The following CNTNAP4 variants were observed in gnomAD, a reference collection of about 807,000 sequenced individuals.
CNTNAP4 encodes the protein contactin associated protein family member 4.
CNTNAP4 carries 98 observed loss-of-function variants against 148.4 expected under a neutral mutation model. The observed-to-expected ratio is 0.66, with a 90% CI of 0.56 to 0.78. The LOEUF is 0.78. CNTNAP4 is among the 30% of genes least tolerant of loss of function. The pLI, the probability that CNTNAP4 is intolerant of heterozygous loss-of-function variation, is 0.00. For missense variants in CNTNAP4, 1,935 were observed against 1,565.6 expected (o/e 1.24, Z -3.98); for synonymous variants, 730 against 565.1 (o/e 1.29, Z -4.14).
intron 4 of CNTNAP4, among the ~76,000 whole-genome samples, chr16:76,447,799 G>A (rs1348708407): frequency 6.6e-6 from 1 of 152,186 alleles, no homozygotes; most frequent in African/African-American, 2.4e-5. Context: ...ATGAGGTTTG[G>A]TGGGTTACAT....
chr16:76,525,416 C>G (rs2083674869), intron 17 of CNTNAP4, among the ~76,000 whole-genome samples: 2 of 148,790 alleles, frequency 1.3e-5, no homozygotes, highest in African/African-American at 4.9e-5. Context: ...ATCTGTCTAT[C>G]CATCTATCTA....
chr16:76,406,769 TGA>T (rs2078612044), intron 3 of CNTNAP4, among the ~76,000 whole-genome samples: 1 of 152,116 alleles, frequency 6.6e-6, no homozygotes, highest in African/African-American at 2.4e-5. Context: ...CTATGAAGGC[TGA>T]GAGAGGTGAG....
intron 15 of CNTNAP4, among the ~76,000 whole-genome samples, chr16:76,499,786 AT>A (rs1338399460): frequency 6.6e-6 from 1 of 151,504 alleles, no homozygotes; most frequent in Non-Finnish European, 1.5e-5. Flanking sequence ...GCCTTCAAGC[AT>A]CTGTTTAACA....
chr16:76,421,418 A>C (rs2079185366), intron 3 of CNTNAP4, among the ~76,000 whole-genome samples: 1 of 152,102 alleles, frequency 6.6e-6, no homozygotes. Context: ...TGAATTTTAC[A>C]TTCATAATCA....
intron 14 of CNTNAP4, among the ~76,000 whole-genome samples, chr16:76,496,741 T>A (rs1266901183): frequency 6.6e-6 from 1 of 152,166 alleles, no homozygotes; most frequent in South Asian, 2.1e-4. Flanking sequence ...CTGGAATCTT[T>A]ACAATGTATC....
intron 4 of CNTNAP4, among the ~76,000 whole-genome samples, chr16:76,439,744 G>T (rs1469432558): frequency 1.3e-5 from 2 of 152,064 alleles, no homozygotes; most frequent in African/African-American, 2.4e-5. Flanking sequence ...GTTATATATA[G>T]CACTTGATCT....
rs556897545 is a variant in CNTNAP4, at chr16:76,361,709, G to C, written c.390+6198G>C. Reference sequence around the variant, plus strand: ...GATTGCTGAATCACATGGAATTTCAGTTTTTAATTTTTGAGGAAATTCCAT... The same window carrying C: ...GATTGCTGAATCACATGGAATTTCACTTTTTAATTTTTGAGGAAATTCCAT... On this transcript the variant is annotated intron_variant, in intron 3 of 23. Coordinates refer to ENST00000611870, the MANE Select transcript of CNTNAP4 (RefSeq NM_033401.5). 2.0e-5 allele frequency among the ~76,000 whole-genome samples: 3 copies of C among 152,252 alleles called. No individual in the cohort carries two copies. In the South Asian group the frequency reaches 6.2e-4, roughly 32 times the overall value.
intron 3 of CNTNAP4, among the ~76,000 whole-genome samples, chr16:76,411,341 A>G (rs965906588): frequency 2.0e-5 from 3 of 151,500 alleles, no homozygotes; most frequent in Non-Finnish European, 3.0e-5. Flanking sequence ...AGGCTAATCA[A>G]TATATTAGAA....
chr16:76,403,548 AGAT>A (rs2078494789), intron 3 of CNTNAP4, among the ~76,000 whole-genome samples: 3 of 152,206 alleles, frequency 2.0e-5, no homozygotes, highest in Admixed American at 6.5e-5. Flanking sequence ...AAAAAGTAAC[AGAT>A]GATGATGAGG....
chr16:76,515,068 G>A (rs1021496721), intron 15 of CNTNAP4, among the ~76,000 whole-genome samples: 4 of 152,022 alleles, frequency 2.6e-5, no homozygotes, highest in African/African-American at 9.7e-5. Flanking sequence ...AGCACAATCC[G>A]TAAAAGGCTA....
intron 1 of CNTNAP4, among the ~76,000 whole-genome samples, chr16:76,279,591 T>C (rs1457480552): frequency 6.6e-6 from 1 of 152,196 alleles, no homozygotes; most frequent in Non-Finnish European, 1.5e-5. Flanking sequence ...AAGGAAGTAG[T>C]CTAATGCTCT....
intron 1 of CNTNAP4, among the ~76,000 whole-genome samples, chr16:76,286,580 T>A (rs1958895924): frequency 6.6e-6 from 1 of 152,138 alleles, no homozygotes; most frequent in Admixed American, 6.6e-5. Context: ...AACCTAGCAA[T>A]GAAGCAGAAT....
At chr16:76,552,003 G>T (rs1187435060) in intron 21 of CNTNAP4, among the ~76,000 whole-genome samples, 3 of 152,170 alleles carry the variant, frequency 2.0e-5, no homozygotes, top group Non-Finnish European at 2.9e-5. Context: ...AAGGAAAGAG[G>T]TGTAATCAAC....
chr16:76,388,920 A>G (rs928291922), intron 3 of CNTNAP4, among the ~76,000 whole-genome samples: 3 of 152,208 alleles, frequency 2.0e-5, no homozygotes, highest in African/African-American at 7.2e-5. Flanking sequence ...AATATTTAAC[A>G]AGGAGTTCTA....
chr16:76,296,000 A>T (rs1375985914), intron 1 of CNTNAP4, among the ~76,000 whole-genome samples: 1 of 152,060 alleles, frequency 6.6e-6, no homozygotes, highest in African/African-American at 2.4e-5. Flanking sequence ...TGAATAAGAA[A>T]TTTTAAGTGT....
intron 4 of CNTNAP4, among the ~76,000 whole-genome samples, chr16:76,438,995 T>A (rs1340197310): frequency 6.6e-6 from 1 of 152,174 alleles, no homozygotes; most frequent in Non-Finnish European, 1.5e-5. Context: ...TATTTTTAAA[T>A]AGACCAATTG....
chr16:76,470,411 C>T (rs537757790), intron 10 of CNTNAP4, among the ~76,000 whole-genome samples: 3 of 149,586 alleles, frequency 2.0e-5, no homozygotes, highest in Admixed American at 1.3e-4. Flanking sequence ...GAGGCCAAGA[C>T]GGGTGGATCA....
intron 3 of CNTNAP4, among the ~76,000 whole-genome samples, chr16:76,384,053 TA>T (rs1215079196): frequency 2.6e-4 from 39 of 152,280 alleles, no homozygotes; most frequent in African/African-American, 8.4e-4. Flanking sequence ...TTTATTTATT[TA>T]TTTTTTTGAG....
chr16:76,324,714 C>A (rs1427570416), intron 2 of CNTNAP4, among the ~76,000 whole-genome samples: 3 of 152,106 alleles, frequency 2.0e-5, no homozygotes, highest in Admixed American at 6.6e-5. Flanking sequence ...CTTGTTAGGG[C>A]CCTTTTGCTG....
Sources: gnomAD v4.1 joint callset for allele counts (sites outside exome capture counted in the v4.1 genomes callset) on GRCh38, gnomAD v4.1.1 for gene constraint, MANE v1.5 for transcripts, NCBI Gene and HGNC (gene_info 2026-07-23, HGNC 2026-07-21) for gene names.